Variants in NEB observed in about 807,000 individuals in gnomAD.
NEB encodes nemaline myopathy type 2.
In NEB, 512 loss-of-function variants were observed where a neutral mutation model predicts 952.2. The ratio of observed to expected loss-of-function variants is 0.54; its 90% CI spans 0.50 to 0.58. The LOEUF (loss-of-function observed/expected upper bound fraction) is 0.58, where lower values mean the gene tolerates loss of function less well. NEB is among the 20% of genes least tolerant of loss of function. The pLI, the probability that NEB is intolerant of heterozygous loss-of-function variation, is 0.00. For synonymous variants in NEB, 2,900 were observed against 3,149.8 expected, an observed-to-expected ratio of 0.92 and a Z score of 2.66; for missense variants, 8,428 against 9,231.1, an observed-to-expected ratio of 0.91 and a Z score of 3.56.
At chr2:151,714,775 A>AT (rs1231138725) in intron 10 of NEB, among the ~76,000 whole-genome samples, 1 of 152,034 alleles carries the variant, frequency 6.6e-6, no homozygotes, top group Non-Finnish European at 1.5e-5. Context: ...GATAAAGGAG[A>AT]TTTTTATCCT....
At chr2:151,631,056 T>C in intron 66 of NEB, 87 bp downstream of exon 66, 2 of 1,533,104 alleles carry the variant, frequency 1.3e-6, no homozygotes, top group Non-Finnish European at 1.8e-6. Flanking sequence ...ACCCCACGCC[T>C]TCATAGATAA....
intron 135 of NEB, among the ~76,000 whole-genome samples, chr2:151,541,961 A>G (rs2094130606): frequency 6.6e-6 from 1 of 152,064 alleles, no homozygotes; most frequent in African/African-American, 2.4e-5. Flanking sequence ...AATGGCCTTC[A>G]TTCTTCTTTT....
At chr2:151,692,497 C>T in intron 20 of NEB, 135 bp from the exon 21 acceptor site, 2 of 727,618 alleles carry the variant, frequency 2.7e-6, no homozygotes, top group Non-Finnish European at 4.9e-6. Flanking sequence ...TTCCACAAAG[C>T]AGAAAAGCAG....
In NEB at chr2:151,656,028, A is replaced by G. The variant is rs1255580217; in HGVS notation, c.6496-5T>C. The G allele has an allele frequency of 1.9e-6, 3 of 1,610,940 alleles. No individual in the cohort carries two copies. The highest frequency in any genetic ancestry group is 2.2e-5 in the South Asian group (2 of 90,952). On this transcript the variant is annotated splice_region_variant and splice_polypyrimidine_tract_variant and intron_variant, in intron 49 of 181. Coordinates refer to ENST00000397345, the MANE Select transcript of NEB (RefSeq NM_001164508.2). ...GTAATCTTGCTTATATTCATTCTAT[A>G]AAGAAGATAAGCAAATTCTACTTTA...
At chr2:151,514,746 G>A in intron 158 of NEB, 72 bp downstream of exon 158, 1 of 1,090,592 alleles carries the variant, frequency 9.2e-7, no homozygotes, top group Non-Finnish European at 1.3e-6. Flanking sequence ...ATGGTAGGAG[G>A]AACACATTAA....
In NEB at chr2:151,547,417, C is replaced by T. The variant is rs762763374; in HGVS notation, c.20367+12G>A. The stretch of plus-strand genomic sequence containing the variant: ...TAAGACTACTCCAGAAAGACCCCTA[C>T]GAGATGCTTACATCACTGGTGATGT... On this transcript the variant is annotated intron_variant, in intron 133 of 181. Coordinates refer to ENST00000397345, the MANE Select transcript of NEB (RefSeq NM_001164508.2). 33 of 1,572,248 alleles carry T rather than the reference C, an allele frequency of 2.1e-5. No individual in the cohort carries two copies. Among genetic ancestry groups the T allele is most frequent in the South Asian group, 3.5e-5 (3 of 85,970 alleles).
intron 71 of NEB, among the ~76,000 whole-genome samples, chr2:151,623,791 T>G (rs776837600): frequency 1.3e-5 from 2 of 152,172 alleles, no homozygotes; most frequent in Non-Finnish European, 2.9e-5. Flanking sequence ...TTTATTACAT[T>G]TTTTCTTTAG....
At chr2:151,501,744 C>CAAAG (rs370017162) in intron 167 of NEB, among the ~76,000 whole-genome samples, 7 of 152,158 alleles carry the variant, frequency 4.6e-5, no homozygotes, top group African/African-American at 1.7e-4. Flanking sequence ...GGCCTTCTCT[C>CAAAG]AAAGACCAGA....
At position 151,664,593 on chromosome 2, in the gene NEB, C is replaced by T; in HGVS notation, c.5359G>A (p.Gly1787Ser). ...ITMSDKLYKA[G>S]WEEEKKKGYD... The stretch of plus-strand genomic sequence containing the variant: ...CCTTTCTTCTTTTCCTCTTCCCAGC[C>T]AGCTTTGTACAGTTTCTAAACAATA... Residue 1787 changes from glycine to serine, a missense_variant, in exon 44 of 182, where the codon GGC becomes AGC. Gly to Ser is a moderately conservative substitution (Grantham distance 56). Coordinates refer to ENST00000397345, the MANE Select transcript of NEB (RefSeq NM_001164508.2). 1 of 1,604,724 alleles carries T rather than the reference C, an allele frequency of 6.2e-7. No homozygotes were observed. Among genetic ancestry groups the T allele is most frequent in the Non-Finnish European group, 8.5e-7 (1 of 1,175,282 alleles).
intron 71 of NEB, among the ~76,000 whole-genome samples, chr2:151,624,194 T>G (rs1218342116): frequency 6.6e-6 from 1 of 152,122 alleles, no homozygotes; most frequent in East Asian, 1.9e-4. Flanking sequence ...GGGGGATGAG[T>G]GCAATTTTGC....
intron 68 of NEB, 108 bp from the exon 69 acceptor site, chr2:151,627,942 G>T: frequency 7.3e-7 from 1 of 1,362,388 alleles, no homozygotes; most frequent in Non-Finnish European, 9.9e-7. Context: ...GCAGAGTAAT[G>T]AAAGAATCTG....
rs776635100 is a variant in NEB at position 151,664,844 on chromosome 2, C to T, written c.5258G>A (p.Trp1753Ter). Residue 1753 changes from tryptophan (W) to a stop codon, truncating the protein, a stop_gained, in exon 43 of 182, where the codon TGG (tryptophan) becomes TAG (stop). Coordinates refer to ENST00000397345, the MANE Select transcript of NEB (RefSeq NM_001164508.2). LOFTEE classifies it high-confidence loss of function. The part of the protein sequence containing the change: ...NMDKRLYTEK[W>*]NKDKTTIHVM... The stretch of plus-strand genomic sequence containing the variant: ...ATGAATGGTGGTCTTGTCCTTGTTC[C>T]ATTTTTCAGTGTAGAGCCTCTGCAA... 2.5e-6 allele frequency: 4 copies of T among 1,611,990 alleles called. No individual in the cohort carries two copies. Among genetic ancestry groups the T allele is most frequent in the Non-Finnish European group, 3.4e-6 (4 of 1,178,874 alleles).
chr2:151,646,868 T>G (rs2098966509), intron 54 of NEB, among the ~76,000 whole-genome samples: 1 of 152,142 alleles, frequency 6.6e-6, no homozygotes, highest in Admixed American at 6.5e-5. Context: ...CAGGCTGGCC[T>G]TGAACTCCCC....
intron 30 of NEB, among the ~76,000 whole-genome samples, 181 bp downstream of exon 30, chr2:151,680,549 A>G (rs1390684890): frequency 6.6e-6 from 1 of 152,196 alleles, no homozygotes; most frequent in East Asian, 1.9e-4. Flanking sequence ...CACAATATAC[A>G]TTACTGTAAA....
chr2:151,616,699 TAACAA>T (rs543858018), intron 75 of NEB, among the ~76,000 whole-genome samples: 2 of 152,040 alleles, frequency 1.3e-5, no homozygotes, highest in Non-Finnish European at 2.9e-5. Context: ...GTCTCAAACG[TAACAA>T]AACAAAACAA....
intron 136 of NEB, 88 bp from the exon 137 acceptor site, chr2:151,540,889 G>C: frequency 1.8e-6 from 2 of 1,099,892 alleles, no homozygotes; most frequent in South Asian, 2.6e-5. Context: ...TAACCATTCA[G>C]TGGGAAGGTG....
intron 79 of NEB, 68 bp from the exon 80 acceptor site, chr2:151,610,691 A>G (rs1271870864): frequency 1.3e-6 from 2 of 1,576,662 alleles, no homozygotes; most frequent in African/African-American, 1.3e-5. Context: ...AATTCCAGAA[A>G]GGAAATTGTT....
At chr2:151,505,879 A>AGAT (rs2068469272) in intron 164 of NEB, 6 of 544,516 alleles carry the variant, frequency 1.1e-5, no homozygotes, top group Non-Finnish European at 1.6e-5. Flanking sequence ...TAGGATAAAC[A>AGAT]GATTGACATA....
Position 151,650,596 on chromosome 2 carries a change from T to G in NEB, c.7205A>C (p.Lys2402Thr). 6.3e-7 allele frequency: 1 copy of G among 1,585,618 alleles called. No individual in the cohort carries two copies. Among genetic ancestry groups the G allele is most frequent in the Non-Finnish European group, 8.6e-7 (1 of 1,166,184 alleles). ...GACCTCACTTTGCAGTTCATAAACTTTCTTAGCTTGCACAACATCGTTCTG... is the reference window on the plus strand; with the variant it reads ...GACCTCACTTTGCAGTTCATAAACTGTCTTAGCTTGCACAACATCGTTCTG... ...PDQNDVVQAKKVYELQSENLY... is the reference protein window; with the variant it reads ...PDQNDVVQAKTVYELQSENLY... The change falls in exon 53 of 182, where the codon AAA (lysine) becomes ACA (threonine). Residue 2402 changes from lysine (K) to threonine (T), a missense_variant. Lys to Thr is a moderately conservative substitution (Grantham distance 78, BLOSUM62 -1). This residue lies in a region of NEB where 1,772 missense variants were observed against 1,960.3 expected (regional missense o/e 0.90). Coordinates refer to ENST00000397345, the MANE Select transcript of NEB (RefSeq NM_001164508.2).
Sources: gnomAD v4.1 joint callset for allele counts (sites outside exome capture counted in the v4.1 genomes callset) on GRCh38, gnomAD v4.1.1 for gene constraint, gnomAD v4.1.1 regional missense constraint, MANE v1.5 for transcripts, NCBI Gene and HGNC (gene_info 2026-07-23, HGNC 2026-07-21) for gene names.